GLIS3: variants seen among roughly 807,000 people sequenced by gnomAD.
GLIS3 encodes GLIS family zinc finger 3.
GLIS3 carries 53 observed loss-of-function variants against 78.6 expected under a neutral mutation model. The observed-to-expected ratio is 0.67, with a 90% CI of 0.54 to 0.85. The LOEUF (loss-of-function observed/expected upper bound fraction) is 0.85, where lower values mean the gene tolerates loss of function less well. Among genes scored for constraint, GLIS3 ranks in the 40% least tolerant of loss-of-function variants. The pLI is 0.00. For missense variants in GLIS3, 1,703 were observed against 1,231.1 expected (o/e 1.38, Z -5.74); for synonymous variants, 684 against 509.9 (o/e 1.34, Z -4.60).
chr9:3,834,080 T>C (rs959387933), intron 9 of GLIS3, among the ~76,000 whole-genome samples: 2 of 152,204 alleles, frequency 1.3e-5, no homozygotes, highest in African/African-American at 4.8e-5. Flanking sequence ...TACATTTATC[T>C]TCTGTTTTTG....
chr9:4,451,879 T>C, the GLIS3 span, among the ~76,000 whole-genome samples: 25,178 of 151,382 alleles, frequency 0.17, 2,564 homozygotes, highest in South Asian at 0.22. Flanking sequence ...TAGCACTAAA[T>C]GCCCACAAGA....
At chr9:4,460,144 G>T in the GLIS3 span, among the ~76,000 whole-genome samples, 1 of 152,082 alleles carries the variant, frequency 6.6e-6, no homozygotes, top group Non-Finnish European at 1.5e-5. Context: ...GTGGCTCGGT[G>T]GTGGACCAGT....
At chr9:4,231,371 C>T (rs1281220975) in intron 2 of GLIS3, among the ~76,000 whole-genome samples, 1 of 152,042 alleles carries the variant, frequency 6.6e-6, no homozygotes, top group Non-Finnish European at 1.5e-5. Flanking sequence ...AGTCTGTTCT[C>T]TAAAATTAAG....
chr9:4,130,405 G>A (rs979429667), intron 2 of GLIS3, among the ~76,000 whole-genome samples: 1 of 152,236 alleles, frequency 6.6e-6, no homozygotes, highest in African/African-American at 2.4e-5. Flanking sequence ...TCTCATCACA[G>A]GCCCAAAGGC....
chr9:4,474,530 A>G, the GLIS3 span, among the ~76,000 whole-genome samples: 1 of 152,244 alleles, frequency 6.6e-6, no homozygotes, highest in African/African-American at 2.4e-5. Flanking sequence ...ATCTTCATCC[A>G]TATCACACAA....
rs1029115044 is a variant in GLIS3 at position 3,991,687 on chromosome 9, T to A, written c.1711-54498A>T. Among the ~76,000 whole-genome samples, 1,129 of 118,866 alleles carry A rather than the reference T, an allele frequency of 9.5e-3. 22 individuals carry two copies. Among genetic ancestry groups the A allele is most frequent in the Non-Finnish European group, 0.011 (699 of 61,148 alleles). The allele number at this position is 118,866 out of a possible 152,430, so 78.0% of individuals were successfully genotyped here. A position where few individuals can be genotyped will look rare whatever the true frequency, so the allele number is the denominator to read the frequency against. ...AGAATTTCATTAAGTAGGCTGATTT[T>A]TTTTTTTTTTTTTTTTTTTTTGAGA... On this transcript the variant is annotated intron_variant, in intron 4 of 10. Coordinates refer to ENST00000381971, the MANE Select transcript of GLIS3 (RefSeq NM_001042413.2).
chr9:4,009,056 C>CCTTCT, intron 4 of GLIS3, among the ~76,000 whole-genome samples: 1 of 152,294 alleles, frequency 6.6e-6, no homozygotes, highest in East Asian at 1.9e-4. Flanking sequence ...CTCCGATATT[C>CCTTCT]CTTCTCTTCT....
intron 4 of GLIS3, among the ~76,000 whole-genome samples, chr9:4,088,395 A>G (rs1829223827): frequency 1.3e-5 from 2 of 152,260 alleles, no homozygotes; most frequent in African/African-American, 4.8e-5. Context: ...TTGGAAAAAT[A>G]AATGTTCTCA....
intron 2 of GLIS3, among the ~76,000 whole-genome samples, chr9:4,226,277 A>C (rs532968997): frequency 6.6e-6 from 1 of 152,314 alleles, no homozygotes; most frequent in East Asian, 1.9e-4. Context: ...TCTTATTTAG[A>C]TATAGCCTGC....
intron 6 of GLIS3, among the ~76,000 whole-genome samples, chr9:3,930,217 G>C (rs1323181008): frequency 6.6e-6 from 1 of 152,178 alleles, no homozygotes; most frequent in Non-Finnish European, 1.5e-5. Context: ...TTATCACTAA[G>C]GGCTGTGCAA....
chr9:3,975,033 T>G (rs1178629999), intron 4 of GLIS3: 1 of 152,140 alleles, frequency 6.6e-6, no homozygotes, highest in East Asian at 1.9e-4. Flanking sequence ...ATCAGGGATT[T>G]GCAGCTGGAA....
chr9:4,454,055 T>A, the GLIS3 span, among the ~76,000 whole-genome samples: 3 of 151,588 alleles, frequency 2.0e-5, no homozygotes, highest in African/African-American at 7.3e-5. Flanking sequence ...CTTTTTCTTT[T>A]AAAAATCAGC....
chr9:4,405,354 TAA>T, the GLIS3 span, among the ~76,000 whole-genome samples: 3 of 132,032 alleles, frequency 2.3e-5, no homozygotes, highest in African/African-American at 5.5e-5. Context: ...AACTCCATCT[TAA>T]AAAAAAAAGA....
intron 2 of GLIS3, among the ~76,000 whole-genome samples, chr9:4,245,041 T>C (rs140356391): frequency 1.3e-5 from 2 of 152,352 alleles, no homozygotes; most frequent in East Asian, 3.9e-4. Flanking sequence ...TAAAAGATCT[T>C]GGTTCTACAT....
chr9:4,095,557 A>T (rs1829871439), intron 4 of GLIS3, among the ~76,000 whole-genome samples: 1 of 152,216 alleles, frequency 6.6e-6, no homozygotes, highest in Admixed American at 6.5e-5. Flanking sequence ...CTATATTAGA[A>T]GAGGAAGAGT....
At chr9:4,397,663 AG>A in the GLIS3 span, among the ~76,000 whole-genome samples, 146 of 108,328 alleles carry the variant, frequency 1.3e-3, no homozygotes, top group Admixed American at 2.1e-3. Context: ...AAAGGAAGGA[AG>A]GAAGGGAGGG....
At chr9:4,178,457 C>T (rs142302627) in intron 2 of GLIS3, among the ~76,000 whole-genome samples, 5 of 152,252 alleles carry the variant, frequency 3.3e-5, no homozygotes, top group East Asian at 1.9e-4. Flanking sequence ...AAGGGAGGGA[C>T]GATACTAGAA....
At chr9:4,372,120 G>C in the GLIS3 span, among the ~76,000 whole-genome samples, 1 of 152,132 alleles carries the variant, frequency 6.6e-6, no homozygotes, top group African/African-American at 2.4e-5. Flanking sequence ...GCTGTGAAGG[G>C]TGGCCGAAGT....
At position 4,118,303 on chromosome 9, in the gene GLIS3, T is replaced by A; in HGVS notation, c.1175A>T (p.His392Leu). The A allele has an allele frequency of 2.5e-6, 4 of 1,578,620 alleles. No homozygotes were observed. The highest frequency in any genetic ancestry group is 2.3e-5 in the East Asian group (1 of 43,156). Residue 392 changes from histidine to leucine, a missense_variant, in exon 4 of 11, where the codon CAC becomes CTC. Coordinates refer to ENST00000381971, the MANE Select transcript of GLIS3 (RefSeq NM_001042413.2). The surrounding 1 kb of genome is among the most constrained non-coding windows in gnomAD (Gnocchi z 4.7). Reference sequence around the variant, plus strand: ...GTGCTCCAGCTGTTGCATGCGCTCGTGCTCCAGGGCCCCGTCCTCGCCGTA... The same window carrying A: ...GTGCTCCAGCTGTTGCATGCGCTCGAGCTCCAGGGCCCCGTCCTCGCCGTA... Reference protein sequence around the residue: ...PAYGEDGALEHERMQQLEHGG... With the variant: ...PAYGEDGALELERMQQLEHGG...
Sources: allele counts gnomAD v4.1 joint callset (sites outside exome capture counted in the v4.1 genomes callset), GRCh38; gene constraint gnomAD v4.1.1; non-coding constraint Gnocchi (gnomAD v3.1); transcripts MANE v1.5; gene names NCBI Gene and HGNC (gene_info 2026-07-23, HGNC 2026-07-21).